Variants in ACSL6 observed in about 807,000 individuals in gnomAD.
ACSL6 encodes the protein acyl-CoA synthetase long chain family member 6, also known as long-chain-fatty-acid--CoA ligase 6.
ACSL6 carries 47 observed loss-of-function variants against 98.2 expected under a neutral mutation model. That is an observed-to-expected ratio of 0.48 (90% CI 0.38 to 0.61). The LOEUF (loss-of-function observed/expected upper bound fraction) is 0.61. Ranked by LOEUF, ACSL6 falls within the 20% of genes least tolerant of loss-of-function variation. ACSL6 has a pLI of 0.00. For synonymous variants in ACSL6, 362 were observed against 336.9 expected (o/e 1.07, Z -0.82); for missense variants, 761 against 913.4 (o/e 0.83, Z 2.15).
chr5:131,953,500 GGAGGTGAGACAGGAGGATCACTC>G lies in ACSL6; in HGVS notation c.*711_*733del, dbSNP rs1388061471. 5.3e-6 allele frequency: 1 copy of G among 190,098 alleles called. No homozygotes were observed. Among genetic ancestry groups the G allele is most frequent in the Non-Finnish European group, 1.1e-5 (1 of 90,632 alleles). The allele number at this position is 190,098 out of a possible 1,614,324, so 11.8% of individuals were successfully genotyped here. A position where few individuals can be genotyped will look rare whatever the true frequency, so the allele number is the denominator to read the frequency against. On this transcript the variant is annotated 3_prime_UTR_variant, in exon 21 of 21. Coordinates refer to ENST00000651883, the MANE Select transcript of ACSL6 (RefSeq NM_001009185.3). ...CCTGTACTGTAGTCTCAGCTACTTG[GGAGGTGAGACAGGAGGATCACTC>G]GAGCCCAGGAGATGGAGACTGCAAT...
At position 131,988,182 on chromosome 5, in the gene ACSL6, G is replaced by C. The variant is rs1239654030; in HGVS notation, c.697C>G (p.Leu233Val). Residue 233 changes from leucine (L) to valine (V), a missense_variant, in exon 7 of 21, where the codon CTT becomes GTT. By Grantham distance (32) the Leu-to-Val change is conservative (BLOSUM62 1). Transcript: ENST00000651883. ...VIVDKPQKAV[L>V]LLEHVERKET... is the part of the protein sequence containing the mutation. ...TTCCTCTCCACATGCTCTAGCAGAA[G>C]CACAGCCTTCTGAGGTTTGTCCACA... 6.2e-7 allele frequency: 1 copy of C among 1,614,210 alleles called. No homozygotes were observed. The highest frequency in any genetic ancestry group is 2.2e-5 in the East Asian group (1 of 44,886).
chr5:132,003,589 G>A (rs1038982227), intron 1 of ACSL6: 1 of 152,258 alleles, frequency 6.6e-6, no homozygotes, highest in African/African-American at 2.4e-5. Context: ...GCCGCTGGCC[G>A]GCTCCTGGCC....
intron 9 of ACSL6, chr5:131,983,279 G>C (rs1753998708): frequency 6.6e-6 from 1 of 152,098 alleles, no homozygotes; most frequent in Non-Finnish European, 1.5e-5. Flanking sequence ...AGCCATCACT[G>C]GGTACAGACA....
intron 13 of ACSL6, among the ~76,000 whole-genome samples, chr5:131,972,231 G>T (rs908860141): frequency 6.6e-6 from 1 of 152,190 alleles, no homozygotes; most frequent in Non-Finnish European, 1.5e-5. Flanking sequence ...CTTGGATAAT[G>T]CAGAGTTTAA....
At chr5:131,967,223 T>C (rs962818171) in intron 16 of ACSL6, among the ~76,000 whole-genome samples, 6 of 152,076 alleles carry the variant, frequency 3.9e-5, no homozygotes, top group African/African-American at 1.2e-4. Context: ...GACACATGCC[T>C]GTGGTCCTAG....
At chr5:131,960,457 T>A (rs1162608230) in intron 19 of ACSL6, 63 bp downstream of exon 19, 4 of 1,383,438 alleles carry the variant, frequency 2.9e-6, no homozygotes, top group Non-Finnish European at 4.0e-6. Flanking sequence ...TTTTCTGTCT[T>A]CTCATTATGT....
chr5:131,969,714 G>C (rs1753199429), intron 15 of ACSL6, among the ~76,000 whole-genome samples: 1 of 152,148 alleles, frequency 6.6e-6, no homozygotes, highest in Non-Finnish European at 1.5e-5. Context: ...GTTTCTTAAA[G>C]GGCCATTTTA....
intron 1 of ACSL6, among the ~76,000 whole-genome samples, chr5:132,010,650 C>T (rs1385222822): frequency 6.6e-6 from 1 of 152,228 alleles, no homozygotes; most frequent in Non-Finnish European, 1.5e-5. Flanking sequence ...AAGGATCAAG[C>T]ACTGCACACA....
rs531818284 is a variant in ACSL6, at chr5:131,976,550, A to T, written c.990+98T>A. On this transcript the variant is annotated intron_variant, in intron 10 of 20. Transcript: ENST00000651883. ...GCAGCCCAGGTTATATCAAGAAAAA[A>T]AAAAAAAGAAAAAGAAAACAAACAA... The T allele has an allele frequency of 7.8e-4, 919 of 1,173,578 alleles. 7 individuals carry two copies. The African/African-American group carries it at 0.013, about 16-fold the overall frequency. The allele number at this position is 1,173,578 out of a possible 1,614,324, so 72.7% of individuals were successfully genotyped here.
chr5:131,998,598 C>T (rs1481212383), intron 1 of ACSL6, among the ~76,000 whole-genome samples: 1 of 152,158 alleles, frequency 6.6e-6, no homozygotes, highest in East Asian at 1.9e-4. Context: ...GCTCCAAGAA[C>T]TCTCTGCTGG....
intron 20 of ACSL6, among the ~76,000 whole-genome samples, chr5:131,954,906 C>T (rs1398133667): frequency 2.0e-5 from 3 of 152,086 alleles, no homozygotes; most frequent in African/African-American, 7.2e-5. Flanking sequence ...TGAGAAATGT[C>T]AGCGTGTGAA....
chr5:131,985,317 C>T, intron 9 of ACSL6, 90 bp downstream of exon 9: 3 of 1,516,508 alleles, frequency 2.0e-6, no homozygotes, highest in Non-Finnish European at 2.7e-6. Flanking sequence ...CCATTTCAAA[C>T]AGGGTATCAA....
chr5:132,004,707 CT>C (rs1010938679), intron 1 of ACSL6, among the ~76,000 whole-genome samples: 34 of 152,322 alleles, frequency 2.2e-4, no homozygotes, highest in Admixed American at 8.5e-4. Context: ...CATATCTGGT[CT>C]GTGGCAAGGA....
intron 3 of ACSL6, 126 bp from the exon 4 acceptor site, chr5:131,990,290 C>T (rs1390004980): frequency 2.3e-6 from 2 of 860,746 alleles, no homozygotes; most frequent in East Asian, 2.6e-5. Context: ...AGTGAACTGC[C>T]CTCCTGCACT....
intron 16 of ACSL6, among the ~76,000 whole-genome samples, chr5:131,967,287 T>C (rs1339930140): frequency 6.6e-6 from 1 of 152,108 alleles, no homozygotes; most frequent in African/African-American, 2.4e-5. Context: ...TTCGAGGCTA[T>C]GGTCTCGAGT....
chr5:131,989,339 G>A (rs546798171), intron 5 of ACSL6, 68 bp downstream of exon 5: 86 of 1,439,332 alleles, frequency 6.0e-5, no homozygotes, highest in Admixed American at 1.6e-4. Flanking sequence ...AGTGAAAGCA[G>A]GACTATTCCA....
At chr5:132,012,065 G>A (rs541070273), upstream of ACSL6, 91 of 1,156,366 alleles carry the variant, frequency 7.9e-5, 1 homozygote, top group African/African-American at 1.1e-3. Context: ...GGGCAGGCTC[G>A]AATGGCAGCC....
At chr5:131,986,639 C>A (rs1371346828) in intron 8 of ACSL6, among the ~76,000 whole-genome samples, 183 bp downstream of exon 8, 1 of 152,188 alleles carries the variant, frequency 6.6e-6, no homozygotes, top group Non-Finnish European at 1.5e-5. Context: ...ACTCCTGTTC[C>A]AGGTCCTTCC....
At position 131,972,609 on chromosome 5, in the gene ACSL6, TGA is replaced by T; in HGVS notation, c.1338+113_1338+114del. ...CTTAAGCTTTGATTTCATGAGCAAA[TGA>T]GTTACTATTTCACATGATTACAGGG... On this transcript the variant is annotated intron_variant, in intron 13 of 20. Coordinates refer to ENST00000651883, the MANE Select transcript of ACSL6 (RefSeq NM_001009185.3). The T allele has an allele frequency of 7.4e-6, 9 of 1,217,938 alleles. No homozygotes were observed. The South Asian group carries it at 1.1e-4, about 15-fold the overall frequency. 75.4% of individuals were successfully genotyped at this position (1,217,938 alleles called of 1,614,324 possible).
Sources: gnomAD v4.1 joint callset for allele counts (sites outside exome capture counted in the v4.1 genomes callset) on GRCh38, gnomAD v4.1.1 for gene constraint, MANE v1.5 for transcripts, NCBI Gene and HGNC (gene_info 2026-07-23, HGNC 2026-07-21) for gene names.